The following ILRUN variants were observed in gnomAD, a reference collection of about 807,000 sequenced individuals.
The protein encoded by ILRUN is protein ILRUN.
A neutral mutation model predicts 33.8 loss-of-function variants in ILRUN; 3 were observed. That is an observed-to-expected ratio of 0.09 (90% CI 0.04 to 0.23). ILRUN has a LOEUF of 0.23. Among genes scored for constraint, ILRUN ranks in the 10% least tolerant of loss-of-function variants. The pLI, the probability that ILRUN is intolerant of heterozygous loss-of-function variation, is 1.00. For synonymous variants in ILRUN, 124 were observed against 138.9 expected (o/e 0.89, Z 0.75); for missense variants, 210 against 375.1 (o/e 0.56, Z 3.64).
At position 34,588,084 on chromosome 6, in the gene ILRUN, A is replaced by G; in HGVS notation, c.*2481T>C. On this transcript the variant is annotated 3_prime_UTR_variant, in exon 5 of 5. Coordinates refer to ENST00000374023, the MANE Select transcript of ILRUN (RefSeq NM_024294.4). ...TCTGAACCCATACCAGTGAGGGGAG[A>G]GAGAATGAATGATACTGATACCCTC... 1 of 398,682 alleles carries G rather than the reference A, an allele frequency of 2.5e-6. No individual in the cohort carries two copies. The highest frequency in any genetic ancestry group is 4.4e-6 in the Non-Finnish European group (1 of 226,120). 24.7% of individuals were successfully genotyped at this position (398,682 alleles called of 1,614,324 possible).
chr6:34,645,231 T>A (rs921728487), intron 3 of ILRUN, among the ~76,000 whole-genome samples: 2 of 152,202 alleles, frequency 1.3e-5, no homozygotes, highest in Non-Finnish European at 2.9e-5. Context: ...TTTATTTGTT[T>A]TTGATCTCCA....
intron 3 of ILRUN, among the ~76,000 whole-genome samples, chr6:34,628,512 T>C (rs1762184788): frequency 1.3e-5 from 2 of 152,018 alleles, no homozygotes; most frequent in African/African-American, 4.8e-5. Flanking sequence ...TTTTGTAATT[T>C]TAGTAGACAC....
intron 3 of ILRUN, among the ~76,000 whole-genome samples, chr6:34,621,147 A>T (rs1762005759): frequency 6.6e-6 from 1 of 152,250 alleles, no homozygotes; most frequent in Admixed American, 6.5e-5. Flanking sequence ...ATCAAACCAA[A>T]TATTTAATTC....
At chr6:34,665,681 A>G (rs1341716676) in intron 1 of ILRUN, among the ~76,000 whole-genome samples, 1 of 152,044 alleles carries the variant, frequency 6.6e-6, no homozygotes, top group Admixed American at 6.6e-5. Context: ...CTCCAACCTT[A>G]GCTTCCCAAA....
At chr6:34,606,982 A>C in intron 3 of ILRUN, 78 bp from the exon 4 acceptor site, 1 of 1,045,426 alleles carries the variant, frequency 9.6e-7, no homozygotes, top group Non-Finnish European at 1.4e-6. Context: ...AAAACCCCAA[A>C]CATTATCCAA....
At chr6:34,667,179 C>T (rs191266851) in intron 1 of ILRUN, among the ~76,000 whole-genome samples, 41 of 152,210 alleles carry the variant, frequency 2.7e-4, no homozygotes, top group African/African-American at 9.1e-4. Flanking sequence ...AGCACACATC[C>T]CCAAATAATG....
intron 1 of ILRUN, among the ~76,000 whole-genome samples, chr6:34,658,000 G>C (rs1167123044): frequency 1.3e-5 from 2 of 152,132 alleles, no homozygotes; most frequent in South Asian, 2.1e-4. Context: ...ATGGTTAAAA[G>C]TACCCTGAAG....
At chr6:34,681,780 T>A (rs529371696) in intron 1 of ILRUN, among the ~76,000 whole-genome samples, 1 of 151,278 alleles carries the variant, frequency 6.6e-6, no homozygotes, top group Non-Finnish European at 1.5e-5. Context: ...AATTACTGGG[T>A]AAGAATTTGT....
intron 1 of ILRUN, among the ~76,000 whole-genome samples, chr6:34,670,802 G>A (rs1220189816): frequency 7.0e-6 from 1 of 143,244 alleles, no homozygotes; most frequent in South Asian, 2.2e-4. Flanking sequence ...GTAGCAGTGA[G>A]CCACTGCACT....
At chr6:34,654,087 TCCTAC>T (rs1762725220) in intron 2 of ILRUN, among the ~76,000 whole-genome samples, 1 of 151,392 alleles carries the variant, frequency 6.6e-6, no homozygotes, top group South Asian at 2.1e-4. Context: ...TTCCCATATT[TCCTAC>T]CCTATTTTTC....
chr6:34,625,221 TTCA>T (rs1762095776), intron 3 of ILRUN, among the ~76,000 whole-genome samples: 1 of 152,134 alleles, frequency 6.6e-6, no homozygotes. Flanking sequence ...TACTATCTTC[TTCA>T]TTTCTTTGGT....
At chr6:34,672,286 G>T (rs1219031852) in intron 1 of ILRUN, among the ~76,000 whole-genome samples, 1 of 152,032 alleles carries the variant, frequency 6.6e-6, no homozygotes, top group African/African-American at 2.4e-5. Flanking sequence ...TAGAGATGGG[G>T]GTTTCGCCAC....
Position 34,690,543 on chromosome 6 carries a change from T to C in ILRUN, c.158+5903A>G, listed in dbSNP as rs547011132. Among the ~76,000 whole-genome samples the C allele has an allele frequency of 9.9e-5, 15 of 152,128 alleles. No homozygotes were observed. The East Asian group carries it at 2.7e-3, about 27-fold the overall frequency. ...GTTATATATATTTTACCACAAATTC[T>C]TAAAAAGTGAGGTAAGCTCTCCTCT... is the stretch of plus-strand genomic sequence containing the variant. On this transcript the variant is annotated intron_variant, in intron 1 of 4. Transcript: ENST00000374023.
chr6:34,604,593 C>A (rs559453048), intron 4 of ILRUN, among the ~76,000 whole-genome samples: 2 of 152,328 alleles, frequency 1.3e-5, no homozygotes, highest in Admixed American at 1.3e-4. Flanking sequence ...ACAAAGCATG[C>A]TTAGCCCAGG....
At chr6:34,654,164 GC>G (rs1762726929) in intron 2 of ILRUN, among the ~76,000 whole-genome samples, 1 of 132,152 alleles carries the variant, frequency 7.6e-6, no homozygotes. Context: ...CCTTGTGGTT[GC>G]AAAAAAAAAA....
chr6:34,622,307 T>A (rs1762027543), intron 3 of ILRUN, among the ~76,000 whole-genome samples: 1 of 152,048 alleles, frequency 6.6e-6, no homozygotes, highest in Non-Finnish European at 1.5e-5. Context: ...AGAAAATATG[T>A]ACAGATCATA....
At chr6:34,676,311 A>G (rs909836096) in intron 1 of ILRUN, among the ~76,000 whole-genome samples, 1 of 151,860 alleles carries the variant, frequency 6.6e-6, no homozygotes, top group African/African-American at 2.4e-5. Context: ...AGGCAGGAGG[A>G]TAATTTGAGT....
intron 3 of ILRUN, among the ~76,000 whole-genome samples, chr6:34,642,693 AAC>A (rs1380232404): frequency 6.6e-6 from 1 of 151,998 alleles, no homozygotes; most frequent in Non-Finnish European, 1.5e-5. Context: ...TAAGAATAAT[AAC>A]AGTGTTCTGA....
intron 1 of ILRUN, among the ~76,000 whole-genome samples, chr6:34,682,260 T>TG (rs757186383): frequency 0.17 from 21,842 of 131,618 alleles, 2,470 homozygotes; most frequent in African/African-American, 0.32. Flanking sequence ...TGTTTTTTTT[T>TG]TTTTTTTTTT....
Sources: allele counts gnomAD v4.1 joint callset (sites outside exome capture counted in the v4.1 genomes callset), GRCh38; gene constraint gnomAD v4.1.1; transcripts MANE v1.5; gene names NCBI Gene and HGNC (gene_info 2026-07-23, HGNC 2026-07-21).